PROCR: variants seen among roughly 807,000 people sequenced by gnomAD.
The protein encoded by PROCR is protein C receptor.
In PROCR, 22 loss-of-function variants were observed where a neutral mutation model predicts 24.2. That is an observed-to-expected ratio of 0.91 (90% CI 0.65 to 1.30). PROCR has a LOEUF of 1.30. Ranked by LOEUF, PROCR falls within the 50% of genes most tolerant of loss-of-function variation. PROCR has a pLI of 0.00. For missense variants in PROCR, 288 were observed against 307.7 expected (o/e 0.94, Z 0.48); for synonymous variants, 137 against 139.2 (o/e 0.98, Z 0.11).
chr20:35,190,353 G>A (rs2086163234), intron 1 of PROCR, among the ~76,000 whole-genome samples: 1 of 152,158 alleles, frequency 6.6e-6, no homozygotes, highest in Admixed American at 6.6e-5. Flanking sequence ...ACCCCACACA[G>A]CAGAAGCTTA....
chr20:35,215,856 G>GC, intron 1 of PROCR: 1 of 985,204 alleles, frequency 1.0e-6, no homozygotes, highest in Non-Finnish European at 1.2e-6. Flanking sequence ...GCTGGACTGT[G>GC]CTCTCCAGCC....
exon 2 of PROCR, chr20:35,215,925 C>T: frequency 1.0e-6 from 1 of 981,272 alleles, no homozygotes; most frequent in East Asian, 1.1e-4. Context: ...TGGCCGGGCG[C>T]AGTGGCTCAC....
chr20:35,213,106 G>A (rs1174573858), intron 1 of PROCR, among the ~76,000 whole-genome samples: 1 of 152,202 alleles, frequency 6.6e-6, no homozygotes, highest in African/African-American at 2.4e-5. Flanking sequence ...CGAGGCAGAT[G>A]GATCACTTGA....
intron 1 of PROCR, among the ~76,000 whole-genome samples, chr20:35,182,696 C>A (rs1238920752): frequency 6.6e-6 from 1 of 152,140 alleles, no homozygotes; most frequent in Non-Finnish European, 1.5e-5. Context: ...TGTTATGTGG[C>A]CGGGCATGGT....
intron 1 of PROCR, among the ~76,000 whole-genome samples, chr20:35,193,730 T>A (rs1276899334): frequency 6.6e-6 from 1 of 152,234 alleles, no homozygotes; most frequent in African/African-American, 2.4e-5. Flanking sequence ...CTACATTTGA[T>A]ATTTATTAGA....
chr20:35,176,674 G>C (rs747132678), intron 3 of PROCR, 24 bp from the exon 4 acceptor site: 1 of 1,592,478 alleles, frequency 6.3e-7, no homozygotes, highest in Non-Finnish European at 8.6e-7. Context: ...TATTCTTCGG[G>C]CTAACTCTTT....
At chr20:35,178,519 T>TG (rs2086047857), downstream of PROCR, among the ~76,000 whole-genome samples, 1 of 50,888 alleles carries the variant, frequency 2.0e-5, no homozygotes, top group East Asian at 4.3e-4. Flanking sequence ...TTTTTTTTTT[T>TG]TTTTTTTTTT....
chr20:35,177,127 AAGAC>A lies in PROCR; in HGVS notation c.*322_*325del, dbSNP rs1236136283. On this transcript the variant is annotated 3_prime_UTR_variant, in exon 4 of 4. Transcript: ENST00000216968. ...CAGGAAGCCTATGGCCCATCCTCCA[AAGAC>A]AGACAGAATCACCTGAGGCGTTCAA... The A allele has an allele frequency of 4.2e-6, 5 of 1,197,868 alleles. No individual in the cohort carries two copies. Among genetic ancestry groups the A allele is most frequent in the Admixed American group, 3.6e-5 (1 of 27,478 alleles). The allele number at this position is 1,197,868 out of a possible 1,614,324, so 74.2% of individuals were successfully genotyped here.
chr20:35,213,358 T>G (rs1177846830), intron 1 of PROCR, among the ~76,000 whole-genome samples: 1 of 152,142 alleles, frequency 6.6e-6, no homozygotes, highest in Non-Finnish European at 1.5e-5. Flanking sequence ...CATTTATATT[T>G]CTGTTTGCAT....
intron 1 of PROCR, among the ~76,000 whole-genome samples, chr20:35,183,441 C>T (rs968936516): frequency 2.0e-4 from 30 of 152,164 alleles, no homozygotes; most frequent in Non-Finnish European, 7.3e-5. Context: ...TCCCCCTTTG[C>T]CTTCCAACAT....
intron 1 of PROCR, among the ~76,000 whole-genome samples, chr20:35,184,022 C>G (rs763288540): frequency 2.6e-5 from 4 of 152,078 alleles, no homozygotes; most frequent in African/African-American, 4.8e-5. Flanking sequence ...CAAAATACCA[C>G]CATCATTCTT....
At chr20:35,198,363 CAGAG>C (rs376606635) in intron 1 of PROCR, among the ~76,000 whole-genome samples, 144 of 152,178 alleles carry the variant, frequency 9.5e-4, no homozygotes, top group Non-Finnish European at 1.6e-3. Context: ...AATGCTTATA[CAGAG>C]AAAGTTGTAG....
chr20:35,211,183 G>C (rs1324200808), intron 1 of PROCR, among the ~76,000 whole-genome samples: 1 of 152,080 alleles, frequency 6.6e-6, no homozygotes, highest in South Asian at 2.1e-4. Flanking sequence ...TTTACTTTAC[G>C]GCTATTGCAT....
upstream of PROCR, chr20:35,171,928 AGAGGGAGGGCAG>A: frequency 1.7e-6 from 1 of 600,770 alleles, no homozygotes; most frequent in Admixed American, 2.5e-5. Context: ...AGGGCGGGGC[AGAGGGAGGGCAG>A]GAGGGAGGCC....
chr20:35,203,710 CT>C lies in PROCR; in HGVS notation c.95-12181del, dbSNP rs1215683299. ...ATAATCCATGGGTCAGAGAAAAAAT[CT>C]TAAAGTAAATCAGAAAATATTTGAA... On this transcript the variant is annotated intron_variant, in intron 1 of 1. Coordinates refer to the PROCR transcript ENST00000634509. 2.0e-5 allele frequency among the ~76,000 whole-genome samples: 3 copies of C among 151,922 alleles called. No individual in the cohort carries two copies. The East Asian group carries it at 5.8e-4, about 29-fold the overall frequency.
At chr20:35,206,287 A>G (rs2060342244) in intron 1 of PROCR, among the ~76,000 whole-genome samples, 1 of 151,716 alleles carries the variant, frequency 6.6e-6, no homozygotes, top group Non-Finnish European at 1.5e-5. Flanking sequence ...AGCCTGGCCA[A>G]CATAGTGAAA....
intron 1 of PROCR, among the ~76,000 whole-genome samples, chr20:35,198,291 C>CA (rs200649686): frequency 0.42 from 60,176 of 144,768 alleles, 12,781 homozygotes; most frequent in East Asian, 0.64. Flanking sequence ...GACTCTGTCT[C>CA]AAAAAAAAAA....
rs1423190905 is a variant in PROCR at position 35,172,141 on chromosome 20, G to A, written c.-14G>A. ...CCCGAGCCAGGAACCCAGGTCCGGA[G>A]CCTCAACTTCAGGATGTTGACAACA... On this transcript the variant is annotated 5_prime_UTR_variant, in exon 1 of 4. Coordinates refer to ENST00000216968, the MANE Select transcript of PROCR (RefSeq NM_006404.5). 1.2e-5 allele frequency: 20 copies of A among 1,613,988 alleles called. 1 individual carries two copies. The Admixed American group carries it at 3.3e-4, about 27-fold the overall frequency.
At chr20:35,205,800 CACAT>C (rs2060338727) in intron 1 of PROCR, among the ~76,000 whole-genome samples, 2 of 113,722 alleles carry the variant, frequency 1.8e-5, no homozygotes, top group African/African-American at 4.0e-5. Flanking sequence ...TATATATACA[CACAT>C]ATATATGTAC....
Sources: allele counts gnomAD v4.1 joint callset (sites outside exome capture counted in the v4.1 genomes callset), GRCh38; gene constraint gnomAD v4.1.1; transcripts MANE v1.5; gene names NCBI Gene and HGNC (gene_info 2026-07-23, HGNC 2026-07-21).